Variants in BATF2 observed in about 807,000 individuals in gnomAD.
BATF2 encodes the protein basic leucine zipper ATF-like transcription factor 2.
Under a neutral mutation model 7.3 loss-of-function variants are expected in BATF2, and 4 were observed. The ratio of observed to expected loss-of-function variants is 0.55; its 90% confidence interval spans 0.27 to 1.26. The LOEUF (loss-of-function observed/expected upper bound fraction) is 1.26, where lower values mean the gene tolerates loss of function less well. Ranked by LOEUF, BATF2 falls within the 50% of genes most tolerant of loss-of-function variation. The probability of loss-of-function intolerance (pLI) is 0.11; values close to 1 mark genes in which losing one functional copy is unlikely to be tolerated. For synonymous variants in BATF2, 152 were observed against 153.9 expected, an observed-to-expected ratio of 0.99 and a Z score of 0.09; for missense variants, 295 against 340.5, an observed-to-expected ratio of 0.87 and a Z score of 1.05.
chr11:64,996,773 A>T, intron 1 of BATF2, 103 bp downstream of exon 1: 1 of 1,395,708 alleles, frequency 7.2e-7, no homozygotes, highest in Non-Finnish European at 1.0e-6. Context: ...CAGAGTATAG[A>T]GCTGGGACTA....
chr11:64,994,586 C>A lies in BATF2; in HGVS notation c.40-37G>T, dbSNP rs1184939965. On this transcript the variant is annotated intron_variant, in intron 1 of 2. Coordinates refer to ENST00000301887, the MANE Select transcript of BATF2 (RefSeq NM_138456.4). ...GAGGCAGAGGACTCAGGGGGCCCAG[C>A]CAGGCCTTGTGCCCTCCGTCCTGGC... 3.9e-6 allele frequency: 6 copies of A among 1,555,634 alleles called. 1 individual carries two copies. Among genetic ancestry groups the A allele is most frequent in the South Asian group, 2.3e-5 (2 of 85,438 alleles).
chr11:64,996,925 G>A lies in BATF2; in HGVS notation c.-11C>T. 6.3e-7 allele frequency: 1 copy of A among 1,590,958 alleles called. No homozygotes were observed. The highest frequency in any genetic ancestry group is 8.6e-7 in the Non-Finnish European group (1 of 1,167,418). On this transcript the variant is annotated 5_prime_UTR_variant, in exon 1 of 3. Transcript: ENST00000301887. Reference sequence around the variant, plus strand: ...CCCACAGAGGTGCATGGCTTAGGCGGGGGAGCAGAGTGGTCCCTCAGCAGC... The same window carrying A: ...CCCACAGAGGTGCATGGCTTAGGCGAGGGAGCAGAGTGGTCCCTCAGCAGC...
At chr11:64,992,995 A>G (rs1015127668) in intron 2 of BATF2, among the ~76,000 whole-genome samples, 2 of 152,018 alleles carry the variant, frequency 1.3e-5, no homozygotes, top group African/African-American at 2.4e-5. Context: ...CCCCATCACT[A>G]TTAAAAAATA....
intron 2 of BATF2, among the ~76,000 whole-genome samples, chr11:64,993,232 T>C (rs913215799): frequency 5.3e-5 from 8 of 152,020 alleles, no homozygotes; most frequent in African/African-American, 1.7e-4. Flanking sequence ...TAGTGGCGCA[T>C]GCCTGTAATC....
chr11:64,989,561 G>A lies in BATF2; in HGVS notation c.393C>T (p.Tyr131=). Residue 131 remains tyrosine (Y), a synonymous_variant, in exon 3 of 3, where the codon TAC becomes TAT. Transcript: ENST00000301887. The surrounding 1 kb of genome is among the most constrained non-coding windows in gnomAD (Gnocchi z 4.3). ...LELFQTPGSC[Y]PAQPLSPGPQ... is the part of the protein sequence containing the mutation. ...GACCTGGAGAGAGCGGCTGAGCTGG[G>A]TAACAGGAACCCGGGGTCTGGAACA... 4.4e-6 allele frequency: 7 copies of A among 1,589,108 alleles called. No individual in the cohort carries two copies. Among genetic ancestry groups the A allele is most frequent in the Non-Finnish European group, 6.0e-6 (7 of 1,168,250 alleles).
rs1437537534 is a variant in BATF2 at position 64,989,629 on chromosome 11, G to A, written c.325C>T (p.Pro109Ser). The change falls in exon 3 of 3, where the codon CCT becomes TCT. Residue 109 changes from proline (P) to serine (S), a missense_variant. Pro to Ser is a moderately conservative substitution (Grantham distance 74). Coordinates refer to ENST00000301887, the MANE Select transcript of BATF2 (RefSeq NM_138456.4). The surrounding 1 kb of genome is among the most constrained non-coding windows in gnomAD (Gnocchi z 4.3). Reference protein sequence around the residue: ...CWDQAEGLLGPGPQGQHGCRE... With the variant: ...CWDQAEGLLGSGPQGQHGCRE... ...CAGCCATGTTGTCCCTGTGGGCCAG[G>A]GCCCAGGAGCCCCTCAGCCTGGTCC... The A allele has an allele frequency of 3.1e-6, 5 of 1,611,612 alleles. No individual in the cohort carries two copies. The highest frequency in any genetic ancestry group is 4.2e-6 in the Non-Finnish European group (5 of 1,179,208).
chr11:64,996,860 A>G lies in BATF2; in HGVS notation c.39+16T>C. On this transcript the variant is annotated intron_variant, in intron 1 of 2. Transcript: ENST00000301887. ...GCTCCCCTTCTCATCCCCGATCCCC[A>G]ATCCCCTGTACTCACTGTCTGGGTC... is the stretch of plus-strand genomic sequence containing the variant. The G allele has an allele frequency of 6.2e-7, 1 of 1,611,814 alleles. No individual in the cohort carries two copies. Among genetic ancestry groups the G allele is most frequent in the Non-Finnish European group, 8.5e-7 (1 of 1,178,952 alleles).
At chr11:64,994,604 G>C (rs771286421) in intron 1 of BATF2, 55 bp from the exon 2 acceptor site, 1 of 1,487,714 alleles carries the variant, frequency 6.7e-7, no homozygotes, top group Admixed American at 2.0e-5. Flanking sequence ...TGTGCCCTCC[G>C]TCCTGGCCCG....
At chr11:64,991,025 C>T (rs1331287798) in intron 2 of BATF2, among the ~76,000 whole-genome samples, 1 of 152,036 alleles carries the variant, frequency 6.6e-6, no homozygotes, top group African/African-American at 2.4e-5. Context: ...CTCCTGACCT[C>T]GTGATCTGCC....
intron 1 of BATF2, 147 bp from the exon 2 acceptor site, chr11:64,994,696 C>A: frequency 1.4e-6 from 1 of 707,374 alleles, no homozygotes; most frequent in Non-Finnish European, 2.4e-6. Context: ...GGCACCCACA[C>A]CCCCTATAGC....
chr11:64,989,534 T>G lies in BATF2; in HGVS notation c.420A>C (p.Pro140=), dbSNP rs143080238. Residue 140 remains proline, a synonymous_variant, in exon 3 of 3, where the codon CCA becomes CCC. Coordinates refer to ENST00000301887, the MANE Select transcript of BATF2 (RefSeq NM_138456.4). The surrounding 1 kb of genome is among the most constrained non-coding windows in gnomAD (Gnocchi z 4.3). ...CYPAQPLSPG[P]QPHDSPSLLQ... ...GGAGGCTGGGAGAATCATGAGGCTG[T>G]GGACCTGGAGAGAGCGGCTGAGCTG... is the stretch of plus-strand genomic sequence containing the variant. The G allele has an allele frequency of 7.6e-4, 1,213 of 1,593,714 alleles. No individual in the cohort carries two copies. The highest frequency in any genetic ancestry group is 9.6e-4 in the Non-Finnish European group (1,122 of 1,170,186).
chr11:64,991,074 G>A (rs554465962), intron 2 of BATF2, among the ~76,000 whole-genome samples: 11 of 151,188 alleles, frequency 7.3e-5, no homozygotes, highest in African/African-American at 2.7e-4. Flanking sequence ...ACAGGCGTGA[G>A]CCACCGCGCC....
At chr11:64,990,249 G>T in intron 2 of BATF2, 1 of 1,531,620 alleles carries the variant, frequency 6.5e-7, no homozygotes, top group Non-Finnish European at 8.7e-7. Context: ...CAGACCTCCG[G>T]TCTCCTCTCT....
chr11:64,990,247 C>T lies in BATF2; in HGVS notation c.142-435G>A, dbSNP rs189662677. On this transcript the variant is annotated intron_variant, in intron 2 of 2. Transcript: ENST00000301887. ...GTGTAGTGGCTGCAGCTCAGACCTC[C>T]GGTCTCCTCTCTCTCGCCTTCTTTC... is the stretch of plus-strand genomic sequence containing the variant. 47 of 1,531,868 alleles carry T rather than the reference C, an allele frequency of 3.1e-5. No homozygotes were observed. The African/African-American group carries it at 3.7e-4, about 12-fold the overall frequency. 94.9% of individuals were successfully genotyped at this position (1,531,868 alleles called of 1,614,324 possible). A position where few individuals can be genotyped will look rare whatever the true frequency, so the allele number is the denominator to read the frequency against.
intron 2 of BATF2, among the ~76,000 whole-genome samples, chr11:64,992,959 G>C (rs1352445263): frequency 2.6e-5 from 4 of 151,666 alleles, no homozygotes; most frequent in African/African-American, 9.7e-5. Flanking sequence ...AGGAGTTCAA[G>C]ACAAGCCTGG....
intron 1 of BATF2, among the ~76,000 whole-genome samples, chr11:64,996,201 T>G (rs1946108655): frequency 6.6e-6 from 1 of 151,848 alleles, no homozygotes; most frequent in Non-Finnish European, 1.5e-5. Context: ...CCTCAGGTGA[T>G]CTGCCCGCCT....
intron 1 of BATF2, among the ~76,000 whole-genome samples, chr11:64,995,518 C>T (rs1168195076): frequency 1.3e-5 from 2 of 152,066 alleles, no homozygotes; most frequent in African/African-American, 2.4e-5. Context: ...GGGGTGGTAG[C>T]GAAGGATGAA....
rs1946052332 is a variant in BATF2, at chr11:64,989,371, G to A, written c.583C>T (p.Leu195Phe). Residue 195 changes from leucine (L) to phenylalanine (F), a missense_variant, in exon 3 of 3, where the codon CTC becomes TTC. Coordinates refer to ENST00000301887, the MANE Select transcript of BATF2 (RefSeq NM_138456.4). The surrounding 1 kb of genome is among the most constrained non-coding windows in gnomAD (Gnocchi z 4.3). ...LQGSSSKLSA[L>F]QPSLTAQTAP... ...GTTTGGGCCGTGAGGCTGGGCTGGAGGGCACTGAGCTTAGAGGAAGACCCC... is the reference window on the plus strand; with the variant it reads ...GTTTGGGCCGTGAGGCTGGGCTGGAAGGCACTGAGCTTAGAGGAAGACCCC... The A allele has an allele frequency of 6.3e-7, 1 of 1,574,944 alleles. No homozygotes were observed. Among genetic ancestry groups the A allele is most frequent in the African/African-American group, 1.3e-5 (1 of 74,116 alleles).
chr11:64,994,577 G>C (rs775558085), intron 1 of BATF2, 28 bp from the exon 2 acceptor site: 5 of 1,570,856 alleles, frequency 3.2e-6, no homozygotes, highest in Non-Finnish European at 3.5e-6. Context: ...GAGGACTCAG[G>C]GGGCCCAGCC....
Sources: gnomAD v4.1 joint callset for allele counts (sites outside exome capture counted in the v4.1 genomes callset) on GRCh38, gnomAD v4.1.1 for gene constraint, Gnocchi (gnomAD v3.1) non-coding constraint, MANE v1.5 for transcripts, NCBI Gene and HGNC (gene_info 2026-07-23, HGNC 2026-07-21) for gene names.